The following CDH13 variants were observed in gnomAD, a reference collection of about 807,000 sequenced individuals.
CDH13 encodes cadherin 13, also known as cadherin-13.
Under a neutral mutation model 63.8 loss-of-function variants are expected in CDH13, and 24 were observed. That is an observed-to-expected ratio of 0.38 (90% CI 0.27 to 0.53). CDH13 has a LOEUF of 0.53. Ranked by LOEUF, CDH13 falls within the 20% of genes least tolerant of loss-of-function variation. CDH13 has a pLI of 0.85. For missense variants in CDH13, 1,049 were observed against 903.1 expected (o/e 1.16, Z -2.07); for synonymous variants, 503 against 355.3 (o/e 1.42, Z -4.67).
At chr16:83,540,270 A>C (rs1937720723) in intron 7 of CDH13, among the ~76,000 whole-genome samples, 1 of 152,116 alleles carries the variant, frequency 6.6e-6, no homozygotes, top group African/African-American at 2.4e-5. Flanking sequence ...AGTAAGCGCC[A>C]AACTGGTCTT....
intron 2 of CDH13, among the ~76,000 whole-genome samples, chr16:82,980,224 A>G (rs1360960870): frequency 1.3e-5 from 2 of 152,178 alleles, no homozygotes; most frequent in Non-Finnish European, 2.9e-5. Flanking sequence ...GCCAGCCCTC[A>G]GTGACCCAGC....
intron 1 of CDH13, among the ~76,000 whole-genome samples, chr16:82,642,994 C>A (rs1011507382): frequency 2.0e-5 from 3 of 152,086 alleles, no homozygotes; most frequent in Non-Finnish European, 4.4e-5. Flanking sequence ...AACAAACTGT[C>A]CAGAAAAGTC....
chr16:83,615,395 G>A (rs1909200075), intron 8 of CDH13, among the ~76,000 whole-genome samples: 1 of 152,128 alleles, frequency 6.6e-6, no homozygotes, highest in Non-Finnish European at 1.5e-5. Flanking sequence ...GGAGGGTGGA[G>A]TCCAAGACAT....
intron 2 of CDH13, among the ~76,000 whole-genome samples, chr16:83,003,355 T>C (rs540505162): frequency 3.3e-5 from 5 of 152,280 alleles, no homozygotes; most frequent in African/African-American, 7.2e-5. Context: ...TAGCATTGCA[T>C]TGATAATTTA....
rs958293416 is a variant in CDH13 at position 83,496,829 on chromosome 16, C to A, written c.960+10174C>A. ...AAATTTACAAGAAAAAAACAAACAA[C>A]CCCATCAAAAAGTGGGCGAAGGACA... On this transcript the variant is annotated intron_variant, in intron 7 of 13. Transcript: ENST00000567109. Among the ~76,000 whole-genome samples, 252 of 152,248 alleles carry A rather than the reference C, an allele frequency of 1.7e-3. 1 individual carries two copies. Among genetic ancestry groups the A allele is most frequent in the Middle Eastern group, 3.4e-3 (1 of 294 alleles).
intron 4 of CDH13, among the ~76,000 whole-genome samples, chr16:83,194,216 T>C (rs2038808217): frequency 6.6e-6 from 1 of 152,228 alleles, no homozygotes; most frequent in African/African-American, 2.4e-5. Flanking sequence ...TAGGTACACA[T>C]AGGGACATGC....
intron 2 of CDH13, among the ~76,000 whole-genome samples, chr16:83,017,444 C>T (rs1373097341): frequency 6.6e-6 from 1 of 152,136 alleles, no homozygotes; most frequent in African/African-American, 2.4e-5. Context: ...ACTCTCTTTC[C>T]CAAGGACCTG....
intron 10 of CDH13, among the ~76,000 whole-genome samples, chr16:83,705,979 A>T (rs1906980232): frequency 6.6e-6 from 1 of 151,752 alleles, no homozygotes; most frequent in South Asian, 2.1e-4. Context: ...TCACACACAA[A>T]CTTAGTGACT....
intron 4 of CDH13, among the ~76,000 whole-genome samples, chr16:83,137,295 A>G (rs1341649475): frequency 1.3e-5 from 2 of 152,230 alleles, no homozygotes; most frequent in Non-Finnish European, 2.9e-5. Flanking sequence ...TCCTTGGCAC[A>G]GAAAAATCCA....
intron 2 of CDH13, among the ~76,000 whole-genome samples, chr16:82,971,943 C>G (rs982134305): frequency 6.6e-6 from 1 of 152,152 alleles, no homozygotes; most frequent in African/African-American, 2.4e-5. Context: ...TGTGGGGAGC[C>G]TCTTCAGCTA....
At chr16:83,183,000 A>T (rs181273230) in intron 4 of CDH13, among the ~76,000 whole-genome samples, 33 of 152,274 alleles carry the variant, frequency 2.2e-4, no homozygotes, top group African/African-American at 7.5e-4. Flanking sequence ...AATAAAAAAT[A>T]AAAATTAAAA....
At chr16:82,660,258 A>G (rs1046579967) in intron 1 of CDH13, among the ~76,000 whole-genome samples, 9 of 152,158 alleles carry the variant, frequency 5.9e-5, no homozygotes, top group African/African-American at 1.7e-4. Context: ...GGAGATAAAT[A>G]TGGGTCAGGC....
intron 3 of CDH13, among the ~76,000 whole-genome samples, chr16:83,039,259 C>A (rs756143124): frequency 1.3e-4 from 20 of 152,196 alleles, no homozygotes; most frequent in Non-Finnish European, 2.8e-4. Flanking sequence ...GCTCACCTGG[C>A]CTTGGGGATA....
intron 8 of CDH13, among the ~76,000 whole-genome samples, chr16:83,660,208 C>G (rs539137660): frequency 3.5e-4 from 54 of 152,240 alleles, no homozygotes; most frequent in Non-Finnish European, 6.0e-4. Flanking sequence ...TGTTTCATTT[C>G]TATTATTATT....
At chr16:82,747,819 A>C (rs138463448) in intron 1 of CDH13, among the ~76,000 whole-genome samples, 12 of 152,348 alleles carry the variant, frequency 7.9e-5, no homozygotes, top group Admixed American at 2.0e-4. Flanking sequence ...TTAGTATTCC[A>C]GAGGCAAAAT....
At chr16:83,567,258 TGTGA>T (rs915683881) in intron 7 of CDH13, among the ~76,000 whole-genome samples, 1 of 152,216 alleles carries the variant, frequency 6.6e-6, no homozygotes, top group Non-Finnish European at 1.5e-5. Flanking sequence ...CCTAGCAATC[TGTGA>T]GTCTGTAGAA....
In CDH13 at chr16:83,309,092, G is replaced by A. The variant is rs529735942; in HGVS notation, c.637-35770G>A. ...GGCTTGGTGCTTGTCCCTCCATATCGTAACTCTGTTTTATATTCTTTTGAC... is the reference window on the plus strand; with the variant it reads ...GGCTTGGTGCTTGTCCCTCCATATCATAACTCTGTTTTATATTCTTTTGAC... On this transcript the variant is annotated intron_variant, in intron 5 of 13. Transcript: ENST00000567109. Among the ~76,000 whole-genome samples, 194 of 152,184 alleles carry A rather than the reference G, an allele frequency of 1.3e-3. 1 individual carries two copies. Among genetic ancestry groups the A allele is most frequent in the Non-Finnish European group, 2.2e-3 (151 of 68,018 alleles).
intron 1 of CDH13, 32 bp downstream of exon 1, chr16:82,627,169 C>A (rs771924624): frequency 1.3e-6 from 2 of 1,575,344 alleles, no homozygotes; most frequent in Non-Finnish European, 1.7e-6. Flanking sequence ...GCGCGCTCTG[C>A]GCCCCGTTTC....
At chr16:82,885,482 CCCAT>C (rs1171685419) in intron 2 of CDH13, among the ~76,000 whole-genome samples, 5 of 63,396 alleles carry the variant, frequency 7.9e-5, no homozygotes, top group Non-Finnish European at 1.3e-4. Flanking sequence ...CATCCATCCA[CCCAT>C]CCATCCATCC....
Sources: gnomAD v4.1 joint callset for allele counts (sites outside exome capture counted in the v4.1 genomes callset) on GRCh38, gnomAD v4.1.1 for gene constraint, MANE v1.5 for transcripts, NCBI Gene and HGNC (gene_info 2026-07-23, HGNC 2026-07-21) for gene names.